Variants in FAM227A observed in about 807,000 individuals in gnomAD.
FAM227A encodes protein FAM227A.
In FAM227A, 80 loss-of-function variants were observed where a neutral mutation model predicts 74.7. The ratio of observed to expected loss-of-function variants is 1.07; its 90% confidence interval spans 0.89 to 1.29. The LOEUF is 1.29. FAM227A is among the 50% of genes most tolerant of loss of function. The probability of loss-of-function intolerance (pLI) is 0.00; values close to 1 mark genes in which losing one functional copy is unlikely to be tolerated. For synonymous variants in FAM227A, 237 were observed against 241.8 expected (o/e 0.98, Z 0.19); for missense variants, 654 against 683.4 (o/e 0.96, Z 0.48).
At position 38,581,339 on chromosome 22, in the gene FAM227A, G is replaced by A. The variant is rs889413962; in HGVS notation, c.*4786C>T. 1.3e-5 allele frequency: 2 copies of A among 152,140 alleles called. No individual in the cohort carries two copies. Among genetic ancestry groups the A allele is most frequent in the Non-Finnish European group, 2.9e-5 (2 of 68,032 alleles). The allele number at this position is 152,140 out of a possible 1,614,324, so 9.4% of individuals were successfully genotyped here. A position where few individuals can be genotyped will look rare whatever the true frequency, so the allele number is the denominator to read the frequency against. On this transcript the variant is annotated 3_prime_UTR_variant, in exon 17 of 17. Transcript: ENST00000535113. Reference sequence around the variant, plus strand: ...CTGATCATTTCTTCAAGGATCCCTAGATCCTTTTAGGGCAAATAGTATTTC... The same window carrying A: ...CTGATCATTTCTTCAAGGATCCCTAAATCCTTTTAGGGCAAATAGTATTTC...
At chr22:38,639,578 C>T (rs2092071428) in intron 4 of FAM227A, 77 bp downstream of exon 4, 1 of 1,297,952 alleles carries the variant, frequency 7.7e-7, no homozygotes, top group East Asian at 2.5e-5. Context: ...ACTTGGGATT[C>T]CTACTCAGTT....
At position 38,582,578 on chromosome 22, in the gene FAM227A, T is replaced by A. The variant is rs1042667806; in HGVS notation, c.*3547A>T. ...ATGTTTACAAAGGGCAGAGACAGGT[T>A]TCTTCATATTTAACATCCTGAGAGG... On this transcript the variant is annotated 3_prime_UTR_variant, in exon 17 of 17. Transcript: ENST00000535113. The A allele has an allele frequency of 2.3e-5, 18 of 794,518 alleles. No individual in the cohort carries two copies. In the African/African-American group the frequency reaches 2.6e-4, roughly 12 times the overall value. 49.2% of individuals were successfully genotyped at this position (794,518 alleles called of 1,614,324 possible). A position where few individuals can be genotyped will look rare whatever the true frequency, so the allele number is the denominator to read the frequency against.
intron 6 of FAM227A, among the ~76,000 whole-genome samples, chr22:38,629,318 G>A (rs181503820): frequency 3.3e-5 from 5 of 152,242 alleles, no homozygotes; most frequent in Non-Finnish European, 7.3e-5. Flanking sequence ...TGAGTTAGCA[G>A]TAAGCATGTG....
chr22:38,597,390 T>C, intron 14 of FAM227A, 34 bp from the exon 15 acceptor site: 4 of 1,549,170 alleles, frequency 2.6e-6, no homozygotes, highest in Non-Finnish European at 3.5e-6. Flanking sequence ...CCCCGTACTG[T>C]GGAACTGTGT....
Position 38,613,272 on chromosome 22 carries a change from TTATATATCATATATAA to T in FAM227A, c.1039-5812_1039-5797del, listed in dbSNP as rs1429867624. Among the ~76,000 whole-genome samples the T allele has an allele frequency of 9.2e-3, 670 of 72,546 alleles. 6 individuals are homozygous for T. Among genetic ancestry groups the T allele is most frequent in the Middle Eastern group, 0.014 (2 of 144 alleles). 47.6% of individuals were successfully genotyped at this position (72,546 alleles called of 152,430 possible). A position where few individuals can be genotyped will look rare whatever the true frequency, so the allele number is the denominator to read the frequency against. Reference sequence around the variant, plus strand: ...TATATAACATATATTATAACATATATTATATATCATATATAATATATATCATATATAATATATAACA... The same window carrying T: ...TATATAACATATATTATAACATATATTATATATCATATATAATATATAACA... On this transcript the variant is annotated intron_variant, in intron 11 of 16. Coordinates refer to ENST00000535113, the MANE Select transcript of FAM227A (RefSeq NM_001013647.2).
In FAM227A at chr22:38,639,711, A is replaced by C; in HGVS notation, c.239T>G (p.Phe80Cys). The stretch of plus-strand genomic sequence containing the variant: ...TCTTAAAGCCTTCTTCTCCAACTCA[A>C]ATCTCTCAATTGCCTTCAAAAACCA... ...PSANSLAIER[F>C]ELEKKALREK... The change falls in exon 4 of 17, where the codon TTT (phenylalanine) becomes TGT (cysteine). Residue 80 changes from phenylalanine to cysteine, a missense_variant. Transcript: ENST00000535113. 1 of 1,551,316 alleles carries C rather than the reference A, an allele frequency of 6.4e-7. No individual in the cohort carries two copies. The highest frequency in any genetic ancestry group is 8.7e-7 in the Non-Finnish European group (1 of 1,146,490).
chr22:38,638,657 C>G, intron 5 of FAM227A, 89 bp downstream of exon 5: 1 of 931,290 alleles, frequency 1.1e-6, no homozygotes, highest in Non-Finnish European at 1.7e-6. Context: ...ACTACCCAGG[C>G]ACCAAGTATT....
chr22:38,615,103 C>A (rs2146322911), intron 11 of FAM227A, among the ~76,000 whole-genome samples: 1 of 152,340 alleles, frequency 6.6e-6, no homozygotes, highest in Admixed American at 6.5e-5. Context: ...TGGTTCACTG[C>A]AACCTCCGCC....
At chr22:38,635,469 A>G (rs1411587357) in intron 6 of FAM227A, among the ~76,000 whole-genome samples, 1 of 151,986 alleles carries the variant, frequency 6.6e-6, no homozygotes, top group African/African-American at 2.4e-5. Context: ...AGTGGCCGAG[A>G]CCATTTCCTG....
intron 11 of FAM227A, among the ~76,000 whole-genome samples, chr22:38,613,641 G>A (rs1326743499): frequency 6.6e-6 from 1 of 150,824 alleles, no homozygotes; most frequent in African/African-American, 2.4e-5. Flanking sequence ...ATGCCTTCCT[G>A]GCTCAAAGAC....
chr22:38,613,093 TATTATA>T (rs1260892336), intron 11 of FAM227A, among the ~76,000 whole-genome samples: 1 of 96,074 alleles, frequency 1.0e-5, no homozygotes, highest in African/African-American at 4.5e-5. Flanking sequence ...TATATATATA[TATTATA>T]TATAATTATA....
At chr22:38,644,778 T>C (rs906613195) in intron 3 of FAM227A, among the ~76,000 whole-genome samples, 14 of 152,154 alleles carry the variant, frequency 9.2e-5, no homozygotes, top group Admixed American at 1.3e-4. Flanking sequence ...CGCTGTGAAC[T>C]TATAATTGCT....
intron 13 of FAM227A, among the ~76,000 whole-genome samples, chr22:38,600,648 T>C (rs574252846): frequency 1.3e-5 from 2 of 152,212 alleles, no homozygotes; most frequent in East Asian, 3.9e-4. Context: ...GATAGTGTTA[T>C]ATATTTTATA....
At chr22:38,654,958 A>G (rs1293008102) in intron 1 of FAM227A, among the ~76,000 whole-genome samples, 2 of 148,600 alleles carry the variant, frequency 1.3e-5, no homozygotes, top group Non-Finnish European at 3.0e-5. Context: ...TAAAATAAAT[A>G]AATAAATAAA....
At chr22:38,599,987 GAA>G in intron 13 of FAM227A, 66 bp from the exon 14 acceptor site, 1 of 1,391,198 alleles carries the variant, frequency 7.2e-7, no homozygotes, top group South Asian at 1.5e-5. Context: ...TTAAGAACCA[GAA>G]AGGCATCAAA....
rs766290056 is a variant in FAM227A, at chr22:38,597,267, T to A, written c.1469A>T (p.His490Leu). The A allele has an allele frequency of 1.6e-5, 25 of 1,552,084 alleles. No homozygotes were observed. The South Asian group carries it at 3.0e-4, about 18-fold the overall frequency. The change falls in exon 15 of 17, where the codon CAT (histidine) becomes CTT (leucine). Residue 490 changes from histidine to leucine, a missense_variant. Physicochemically the swap from His to Leu is moderately conservative, Grantham distance 99 (BLOSUM62 -3). Transcript: ENST00000535113. ...AAAATAATTCCATTCAGTCCAATGA[T>A]GCTGGTACAACTGATTGAGGTTGTC... is the stretch of plus-strand genomic sequence containing the variant. ...RKDNLNQLYQ[H>L]HWTEWNYFDK...
At chr22:38,626,146 T>A in intron 9 of FAM227A, 34 bp downstream of exon 9, 2 of 1,547,424 alleles carry the variant, frequency 1.3e-6, no homozygotes, top group South Asian at 1.2e-5. Flanking sequence ...TTTTCTAGAA[T>A]CGCTTTCCCC....
chr22:38,637,609 T>C (rs1050496668), intron 5 of FAM227A, among the ~76,000 whole-genome samples: 2 of 152,228 alleles, frequency 1.3e-5, no homozygotes, highest in African/African-American at 4.8e-5. Context: ...CAGTTCATGA[T>C]TCACGGCACT....
Position 38,626,174 on chromosome 22 carries a change from T to C in FAM227A, c.850+6A>G. On this transcript the variant is annotated splice_donor_region_variant and intron_variant, in intron 9 of 16. Coordinates refer to ENST00000535113, the MANE Select transcript of FAM227A (RefSeq NM_001013647.2). ...CTTTCCCCGGTGGAAAAAAGTCACCTCTCACCTGAAATCCACAGGCTCATT... is the reference window on the plus strand; with the variant it reads ...CTTTCCCCGGTGGAAAAAAGTCACCCCTCACCTGAAATCCACAGGCTCATT... 4.5e-6 allele frequency: 7 copies of C among 1,550,980 alleles called. No individual in the cohort carries two copies. The highest frequency in any genetic ancestry group is 6.1e-6 in the Non-Finnish European group (7 of 1,146,744).
Sources: gnomAD v4.1 joint callset for allele counts (sites outside exome capture counted in the v4.1 genomes callset) on GRCh38, gnomAD v4.1.1 for gene constraint, MANE v1.5 for transcripts, NCBI Gene and HGNC (gene_info 2026-07-23, HGNC 2026-07-21) for gene names.